Variants in TTLL4 observed in about 807,000 individuals in gnomAD.
TTLL4 encodes tubulin monoglutamylase TTLL4.
In TTLL4, 85 loss-of-function variants were observed where a neutral mutation model predicts 122.7. The observed-to-expected ratio is 0.69, with a 90% CI of 0.58 to 0.83. The LOEUF (loss-of-function observed/expected upper bound fraction) is 0.83. Among genes scored for constraint, TTLL4 ranks in the 40% least tolerant of loss-of-function variants. TTLL4 has a pLI of 0.00. For missense variants in TTLL4, 1,363 were observed against 1,488.6 expected (o/e 0.92, Z 1.39); for synonymous variants, 553 against 563.0 (o/e 0.98, Z 0.25).
intron 1 of TTLL4, among the ~76,000 whole-genome samples, chr2:218,723,386 T>A (rs1283060363): frequency 6.6e-6 from 1 of 152,216 alleles, no homozygotes; most frequent in Non-Finnish European, 1.5e-5. Context: ...AATAGCATTT[T>A]CCCTCTAAGT....
chr2:218,751,551 A>G (rs1194241544), intron 15 of TTLL4, 153 bp from the exon 16 acceptor site: 2 of 962,878 alleles, frequency 2.1e-6, no homozygotes, highest in East Asian at 1.1e-4. Flanking sequence ...TGGGGAGTGC[A>G]TTTTAGTCCA....
chr2:218,747,166 G>T lies in TTLL4; in HGVS notation c.2138G>T (p.Ser713Ile), dbSNP rs770546296. The change falls in exon 9 of 20, where the codon AGC becomes ATC. Residue 713 changes from serine (S) to isoleucine (I), a missense_variant. This residue lies in a region of TTLL4 where 596 missense variants were observed against 655.8 expected (regional missense o/e 0.91). Coordinates refer to ENST00000392102, the MANE Select transcript of TTLL4 (RefSeq NM_014640.5). The surrounding 1 kb of genome is among the most constrained non-coding windows in gnomAD (Gnocchi z 4.7). ...CTCCTGCGCAAAGCGTGGGAGAGCA[G>T]CAGCCGCCAAAAGTGGATTGTGAAG... Reference protein sequence around the residue: ...AKLLRKAWESSSRQKWIVKPP... With the variant: ...AKLLRKAWESISRQKWIVKPP... 1.9e-6 allele frequency: 3 copies of T among 1,614,212 alleles called. No individual in the cohort carries two copies. Among genetic ancestry groups the T allele is most frequent in the Non-Finnish European group, 2.5e-6 (3 of 1,180,040 alleles).
chr2:218,746,497 A>T (rs1942846980), intron 8 of TTLL4: 7 of 509,772 alleles, frequency 1.4e-5, no homozygotes, highest in Non-Finnish European at 2.1e-5. Context: ...ACCTCATAGG[A>T]GGGTGTAACT....
At position 218,752,917 on chromosome 2, in the gene TTLL4, A is replaced by C; in HGVS notation, c.3131A>C (p.Tyr1044Ser). Residue 1044 changes from tyrosine to serine, a missense_variant, in exon 17 of 20, where the codon TAT (tyrosine) becomes TCT (serine). This residue lies in a region of TTLL4 where 596 missense variants were observed against 655.8 expected (regional missense o/e 0.91). Transcript: ENST00000392102. ...RYLRFFEQPR[Y>S]FNILTTQWEQ... ...CTCCGCTTTTTTGAGCAGCCACGAT[A>C]TTTCAACATTCTCACCACCCAATGG... is the stretch of plus-strand genomic sequence containing the variant. 1.9e-6 allele frequency: 3 copies of C among 1,614,130 alleles called. No homozygotes were observed. The highest frequency in any genetic ancestry group is 2.5e-6 in the Non-Finnish European group (3 of 1,180,032).
At chr2:218,756,169 G>C (rs1943147619), downstream of TTLL4, among the ~76,000 whole-genome samples, 1 of 152,140 alleles carries the variant, frequency 6.6e-6, no homozygotes, top group Non-Finnish European at 1.5e-5. Flanking sequence ...TTGTGGCTGG[G>C]CCTTCACGGC....
At chr2:218,732,270 G>C (rs1329510018) in intron 2 of TTLL4, among the ~76,000 whole-genome samples, 1 of 152,200 alleles carries the variant, frequency 6.6e-6, no homozygotes, top group Non-Finnish European at 1.5e-5. Flanking sequence ...TGGGCTTCCA[G>C]TAGTAGCCAG....
chr2:218,754,674 G>C lies in TTLL4; in HGVS notation c.*285G>C. On this transcript the variant is annotated 3_prime_UTR_variant, in exon 20 of 20. Coordinates refer to ENST00000392102, the MANE Select transcript of TTLL4 (RefSeq NM_014640.5). ...GGTGGCCACGCAGCCTTATAAAGCAGGTTTTGGTTTCTACCTTAAGTGAGC... is the reference window on the plus strand; with the variant it reads ...GGTGGCCACGCAGCCTTATAAAGCACGTTTTGGTTTCTACCTTAAGTGAGC... 2.1e-6 allele frequency: 1 copy of C among 475,290 alleles called. No homozygotes were observed. Among genetic ancestry groups the C allele is most frequent in the Non-Finnish European group, 3.8e-6 (1 of 265,868 alleles). 29.4% of individuals were successfully genotyped at this position (475,290 alleles called of 1,614,324 possible). A position where few individuals can be genotyped will look rare whatever the true frequency, so the allele number is the denominator to read the frequency against.
Position 218,754,438 on chromosome 2 carries a change from C to G in TTLL4, c.*49C>G. The stretch of plus-strand genomic sequence containing the variant: ...GCCCAGGAGCATGGGCATCAGCTAC[C>G]TCACGGGAACCAGCCTGCTGTTCAG... On this transcript the variant is annotated 3_prime_UTR_variant, in exon 20 of 20. Transcript: ENST00000392102. 6.2e-7 allele frequency: 1 copy of G among 1,606,972 alleles called. No individual in the cohort carries two copies.
Position 218,747,309 on chromosome 2 carries a change from T to G in TTLL4, c.2186T>G (p.Ile729Ser). ...IVKPPASARGIGIQVIHKWSQ... is the reference protein window; with the variant it reads ...IVKPPASARGSGIQVIHKWSQ... ...TCCTAGCCAGCATCAGCTCGAGGCA[T>G]TGGCATCCAGGTTATTCACAAGTGG... The change falls in exon 10 of 20, where the codon ATT becomes AGT. Residue 729 changes from isoleucine to serine, a missense_variant. This residue lies in a region of TTLL4 where 596 missense variants were observed against 655.8 expected (regional missense o/e 0.91). Transcript: ENST00000392102. This position sits in a 1 kb window ranked among gnomAD's most constrained non-coding sequence, Gnocchi z 4.7. 1.2e-6 allele frequency: 2 copies of G among 1,614,168 alleles called. No individual in the cohort carries two copies. Among genetic ancestry groups the G allele is most frequent in the South Asian group, 1.1e-5 (1 of 91,080 alleles).
intron 2 of TTLL4, among the ~76,000 whole-genome samples, chr2:218,729,185 C>T (rs1204200746): frequency 7.9e-5 from 12 of 152,206 alleles, no homozygotes; most frequent in African/African-American, 2.4e-4. Context: ...CCGTCTGCCT[C>T]GGCCTCCCAA....
downstream of TTLL4, among the ~76,000 whole-genome samples, chr2:218,755,674 A>G (rs1156963891): frequency 6.6e-6 from 1 of 152,174 alleles, no homozygotes; most frequent in African/African-American, 2.4e-5. Context: ...TAAGAAGCCA[A>G]TTGGCCCCGT....
In TTLL4 at chr2:218,729,760, AAAC is replaced by A. The variant is rs1480035180; in HGVS notation, c.-99+2416_-99+2418del. Among the ~76,000 whole-genome samples the A allele has an allele frequency of 2.8e-4, 21 of 73,756 alleles. 1 individual carries two copies. The highest frequency in any genetic ancestry group is 1.1e-3 in the African/African-American group (18 of 15,716). 48.4% of individuals were successfully genotyped at this position (73,756 alleles called of 152,430 possible). A position where few individuals can be genotyped will look rare whatever the true frequency, so the allele number is the denominator to read the frequency against. ...TTCTCTCTCTTTTTAAAAAAAAAAA[AAAC>A]AAAAAAAAAAAAAACAGGATCTTAT... On this transcript the variant is annotated intron_variant, in intron 2 of 19. Coordinates refer to ENST00000392102, the MANE Select transcript of TTLL4 (RefSeq NM_014640.5).
rs1943124980 is a variant in TTLL4 at position 218,755,051 on chromosome 2, T to A, written c.*662T>A. 1 of 152,644 alleles carries A rather than the reference T, an allele frequency of 6.6e-6. No individual in the cohort carries two copies. Among genetic ancestry groups the A allele is most frequent in the African/African-American group, 2.4e-5 (1 of 41,436 alleles). 9.5% of individuals were successfully genotyped at this position (152,644 alleles called of 1,614,324 possible). A position where few individuals can be genotyped will look rare whatever the true frequency, so the allele number is the denominator to read the frequency against. On this transcript the variant is annotated 3_prime_UTR_variant, in exon 20 of 20. Coordinates refer to ENST00000392102, the MANE Select transcript of TTLL4 (RefSeq NM_014640.5). ...TCGTTCAGCCTTCTAGATGTCTCTC[T>A]CGTGGACATCTGTTCTTTAGCTGTT...
Position 218,737,566 on chromosome 2 carries a change from C to A in TTLL4, c.-98-13C>A, listed in dbSNP as rs541814026. 6 of 1,259,228 alleles carry A rather than the reference C, an allele frequency of 4.8e-6. No homozygotes were observed. In the African/African-American group the frequency reaches 9.0e-5, roughly 19 times the overall value. 78.0% of individuals were successfully genotyped at this position (1,259,228 alleles called of 1,614,324 possible). On this transcript the variant is annotated splice_polypyrimidine_tract_variant and intron_variant, in intron 2 of 19. Transcript: ENST00000392102. ...GGCACTGTAACATTTCCTATCATTTCTCTCCACTTCAGACTGACAGACTTC... is the reference window on the plus strand; with the variant it reads ...GGCACTGTAACATTTCCTATCATTTATCTCCACTTCAGACTGACAGACTTC...
chr2:218,744,965 ATAATTAT>A (rs1942799254), intron 5 of TTLL4, 137 bp from the exon 6 acceptor site: 2 of 1,113,262 alleles, frequency 1.8e-6, no homozygotes, highest in Non-Finnish European at 2.5e-6. Context: ...TATGTACAAA[ATAATTAT>A]TAATTATTGA....
chr2:218,753,524 C>T, intron 18 of TTLL4, 60 bp from the exon 19 acceptor site: 1 of 1,548,300 alleles, frequency 6.5e-7, no homozygotes, highest in South Asian at 1.1e-5. Flanking sequence ...ACCAAGACCC[C>T]AAACACTCCT....
rs779694513 is a variant in TTLL4, at chr2:218,751,764, G to T, written c.2934G>T (p.Lys978Asn). ...RMAPEHVTAQ[K>N]MKKAYYLTQK... ...CTCCAGAGCATGTCACTGCACAGAA[G>T]ATGAAGAAAGCCTATTATCTGACCC... Residue 978 changes from lysine (K) to asparagine (N), a missense_variant, in exon 16 of 20, where the codon AAG (lysine) becomes AAT (asparagine). Physicochemically the swap from Lys to Asn is moderately conservative, Grantham distance 94. Transcript: ENST00000392102. 6.2e-7 allele frequency: 1 copy of T among 1,613,508 alleles called. No individual in the cohort carries two copies. The highest frequency in any genetic ancestry group is 8.5e-7 in the Non-Finnish European group (1 of 1,179,644).
Position 218,747,624 on chromosome 2 carries a change from C to A in TTLL4, c.2277C>A (p.Ser759Arg). ...QRYLHKPYLI[S>R]GSKFDLRIYV... ...ATCTACACAAACCCTACCTCATCAG[C>A]GGCAGCAAGTTTGACCTGCGGATCT... The change falls in exon 11 of 20, where the codon AGC (serine) becomes AGA (arginine). Residue 759 changes from serine (S) to arginine (R), a missense_variant. Physicochemically the swap from Ser to Arg is moderately radical, Grantham distance 110. Coordinates refer to ENST00000392102, the MANE Select transcript of TTLL4 (RefSeq NM_014640.5). This position sits in a 1 kb window ranked among gnomAD's most constrained non-coding sequence, Gnocchi z 4.7. 6.2e-7 allele frequency: 1 copy of A among 1,614,208 alleles called. No homozygotes were observed. Among genetic ancestry groups the A allele is most frequent in the Non-Finnish European group, 8.5e-7 (1 of 1,180,042 alleles).
chr2:218,715,653 G>A (rs1413075356), intron 1 of TTLL4, among the ~76,000 whole-genome samples: 1 of 151,856 alleles, frequency 6.6e-6, no homozygotes, highest in Non-Finnish European at 1.5e-5. Context: ...TTTCTTTAGA[G>A]GGAGTCTCAA....
Sources: gnomAD v4.1 joint callset for allele counts (sites outside exome capture counted in the v4.1 genomes callset) on GRCh38, gnomAD v4.1.1 for gene constraint, gnomAD v4.1.1 regional missense constraint, Gnocchi (gnomAD v3.1) non-coding constraint, MANE v1.5 for transcripts, NCBI Gene and HGNC (gene_info 2026-07-23, HGNC 2026-07-21) for gene names.